Variants in ZDHHC13 observed in about 807,000 individuals in gnomAD.
The protein encoded by ZDHHC13 is zDHHC palmitoyltransferase 13.
A neutral mutation model predicts 86.0 loss-of-function variants in ZDHHC13; 85 were observed. The ratio of observed to expected loss-of-function variants is 0.99; its 90% CI spans 0.83 to 1.18. ZDHHC13 has a LOEUF of 1.18. Among genes scored for constraint, ZDHHC13 ranks in the 50% most tolerant of loss-of-function variants. The pLI is 0.00. For missense variants in ZDHHC13, 711 were observed against 730.2 expected (o/e 0.97, Z 0.30); for synonymous variants, 263 against 246.4 (o/e 1.07, Z -0.63).
intron 8 of ZDHHC13, among the ~76,000 whole-genome samples, chr11:19,155,362 C>T (rs1050321188): frequency 6.6e-6 from 1 of 151,962 alleles, no homozygotes. Flanking sequence ...AGGTGGATCG[C>T]CTGAGGTCAG....
chr11:19,175,711 A>T, intron 16 of ZDHHC13, 111 bp from the exon 17 acceptor site: 1 of 1,309,762 alleles, frequency 7.6e-7, no homozygotes, highest in Non-Finnish European at 1.0e-6. Flanking sequence ...CTACCCCTGG[A>T]TTTCTGCAAG....
At chr11:19,154,888 T>A (rs1849714414) in intron 8 of ZDHHC13, among the ~76,000 whole-genome samples, 1 of 152,164 alleles carries the variant, frequency 6.6e-6, no homozygotes, top group Non-Finnish European at 1.5e-5. Context: ...CACACAGTCT[T>A]TGGGATGTTA....
chr11:19,123,580 A>G (rs1014799122), intron 1 of ZDHHC13, among the ~76,000 whole-genome samples: 20 of 152,150 alleles, frequency 1.3e-4, no homozygotes, highest in African/African-American at 4.8e-4. Context: ...CCCAGCAGAT[A>G]GGGCTGTAGT....
chr11:19,130,488 T>C (rs948924140), intron 1 of ZDHHC13, among the ~76,000 whole-genome samples: 5 of 152,202 alleles, frequency 3.3e-5, no homozygotes, highest in Non-Finnish European at 7.3e-5. Flanking sequence ...TATTGACTTA[T>C]TCTTTCTAGA....
Position 19,163,383 on chromosome 11 carries a change from A to C in ZDHHC13, c.1189A>C (p.Thr397Pro). ...FLYFFYKTWA[T>P]DPGFTKASEE... ...ATACTTTTTCTATAAGACTTGGGCA[A>C]CTGATCCAGGCTTCACTAAGGCTTC... is the stretch of plus-strand genomic sequence containing the variant. Residue 397 changes from threonine (T) to proline (P), a missense_variant, in exon 11 of 17, where the codon ACT becomes CCT. Thr to Pro is a conservative substitution (Grantham distance 38, BLOSUM62 -1). Coordinates refer to ENST00000446113, the MANE Select transcript of ZDHHC13 (RefSeq NM_019028.3). 2.5e-6 allele frequency: 4 copies of C among 1,608,410 alleles called. No individual in the cohort carries two copies. Among genetic ancestry groups the C allele is most frequent in the Non-Finnish European group, 3.4e-6 (4 of 1,177,528 alleles).
At chr11:19,146,451 T>C (rs1849470861) in intron 3 of ZDHHC13, 148 bp downstream of exon 3, 4 of 1,007,052 alleles carry the variant, frequency 4.0e-6, no homozygotes, top group Non-Finnish European at 5.4e-6. Flanking sequence ...CGTTGGTTAT[T>C]ATAAAGTTGA....
chr11:19,175,824 T>C lies in ZDHHC13; in HGVS notation c.1733T>C (p.Leu578Pro), dbSNP rs1197066996. Reference sequence around the variant, plus strand: ...TCTCTTTTTTTTTTTCTTGGCAGTCTTGGATTCATGCAGAACCTGGCAGAT... The same window carrying C: ...TCTCTTTTTTTTTTTCTTGGCAGTCCTGGATTCATGCAGAACCTGGCAGAT... ...TLSLRKTPYN[L>P]GFMQNLADFF... is the part of the protein sequence containing the mutation. The change falls in exon 17 of 17, where the codon CTT becomes CCT. Residue 578 changes from leucine (L) to proline (P), a missense_variant and splice_region_variant. Transcript: ENST00000446113. The C allele has an allele frequency of 6.2e-7, 1 of 1,611,426 alleles. No individual in the cohort carries two copies. The highest frequency in any genetic ancestry group is 2.2e-5 in the East Asian group (1 of 44,864).
At chr11:19,138,086 A>G (rs1187657252) in intron 1 of ZDHHC13, among the ~76,000 whole-genome samples, 1 of 151,772 alleles carries the variant, frequency 6.6e-6, no homozygotes, top group Non-Finnish European at 1.5e-5. Flanking sequence ...GGAAATAGAG[A>G]CACAAAAAAA....
At chr11:19,175,252 T>A (rs1032054353) in intron 16 of ZDHHC13, among the ~76,000 whole-genome samples, 8 of 151,206 alleles carry the variant, frequency 5.3e-5, no homozygotes, top group African/African-American at 1.9e-4. Context: ...TAGCCGGGTG[T>A]GGTGGTGGGC....
intron 11 of ZDHHC13, 67 bp from the exon 12 acceptor site, chr11:19,164,234 G>T (rs1212188009): frequency 1.3e-6 from 2 of 1,505,328 alleles, no homozygotes; most frequent in Non-Finnish European, 1.8e-6. Context: ...TGTGAGAATG[G>T]TGTATAACCA....
At chr11:19,134,099 A>G (rs1849069859) in intron 1 of ZDHHC13, among the ~76,000 whole-genome samples, 1 of 151,874 alleles carries the variant, frequency 6.6e-6, no homozygotes, top group Non-Finnish European at 1.5e-5. Flanking sequence ...TGGAATAACT[A>G]ATAATCTCCT....
intron 1 of ZDHHC13, among the ~76,000 whole-genome samples, chr11:19,132,531 C>G (rs546531134): frequency 5.9e-5 from 9 of 152,210 alleles, no homozygotes; most frequent in African/African-American, 1.9e-4. Context: ...TCTGCAAAGA[C>G]TCAGTGGGCC....
At chr11:19,138,774 A>G (rs1321191428) in intron 1 of ZDHHC13, among the ~76,000 whole-genome samples, 1 of 151,996 alleles carries the variant, frequency 6.6e-6, no homozygotes, top group South Asian at 2.1e-4. Flanking sequence ...CAAATCAATA[A>G]ATGTAATCCA....
intron 1 of ZDHHC13, among the ~76,000 whole-genome samples, chr11:19,121,695 T>G (rs994464417): frequency 6.6e-6 from 1 of 152,160 alleles, no homozygotes; most frequent in Non-Finnish European, 1.5e-5. Flanking sequence ...TCTTTATCCA[T>G]GTAGTGTGTT....
intron 1 of ZDHHC13, among the ~76,000 whole-genome samples, chr11:19,122,797 A>G (rs1042147267): frequency 6.6e-6 from 1 of 152,228 alleles, no homozygotes; most frequent in Non-Finnish European, 1.5e-5. Flanking sequence ...AAATTATTAT[A>G]ATAGAAGCTT....
At chr11:19,121,915 T>C (rs748346211) in intron 1 of ZDHHC13, among the ~76,000 whole-genome samples, 16 of 152,128 alleles carry the variant, frequency 1.1e-4, no homozygotes, top group Non-Finnish European at 1.6e-4. Context: ...GGAATTTGGT[T>C]ATTTGGCCCG....
At position 19,142,999 on chromosome 11, in the gene ZDHHC13, C is replaced by T. The variant is rs763861295; in HGVS notation, c.49C>T (p.Pro17Ser). The change falls in exon 2 of 17, where the codon CCC (proline) becomes TCC (serine). Residue 17 changes from proline to serine, a missense_variant. Coordinates refer to ENST00000446113, the MANE Select transcript of ZDHHC13 (RefSeq NM_019028.3). ...TCAGTGCAGGAATCACAGCCATGGCCCCCACCCTCCAGGATTTGGTCGATA... is the reference window on the plus strand; with the variant it reads ...TCAGTGCAGGAATCACAGCCATGGCTCCCACCCTCCAGGATTTGGTCGATA... ...GSQCRNHSHG[P>S]HPPGFGRYGI... 1.2e-6 allele frequency: 2 copies of T among 1,610,074 alleles called. No individual in the cohort carries two copies. The highest frequency in any genetic ancestry group is 3.4e-5 in the Admixed American group (2 of 59,404).
rs1849998002 is a variant in ZDHHC13, at chr11:19,164,375, C to T, written c.1296+12C>T. ...GTACATCATGTCTTGTGAGTTTTTTCATATAATTTTTTTCCGTAGTGAAAG... is the reference window on the plus strand; with the variant it reads ...GTACATCATGTCTTGTGAGTTTTTTTATATAATTTTTTTCCGTAGTGAAAG... On this transcript the variant is annotated intron_variant, in intron 12 of 16. Coordinates refer to ENST00000446113, the MANE Select transcript of ZDHHC13 (RefSeq NM_019028.3). The T allele has an allele frequency of 6.2e-7, 1 of 1,611,198 alleles. No homozygotes were observed. Among genetic ancestry groups the T allele is most frequent in the Non-Finnish European group, 8.5e-7 (1 of 1,178,600 alleles).
chr11:19,143,896 A>G (rs1034724078), intron 2 of ZDHHC13, among the ~76,000 whole-genome samples: 8 of 152,172 alleles, frequency 5.3e-5, no homozygotes, highest in African/African-American at 1.9e-4. Flanking sequence ...TAGTAATCAA[A>G]CATAAATCTG....
Sources: gnomAD v4.1 joint callset for allele counts (sites outside exome capture counted in the v4.1 genomes callset) on GRCh38, gnomAD v4.1.1 for gene constraint, MANE v1.5 for transcripts, NCBI Gene and HGNC (gene_info 2026-07-23, HGNC 2026-07-21) for gene names.